The following ADSS1 variants were observed in gnomAD, a reference collection of about 807,000 sequenced individuals.
The protein encoded by ADSS1 is adenylosuccinate synthase 1, also known as adenylosuccinate synthetase isozyme 1.
In ADSS1, 57 loss-of-function variants were observed where a neutral mutation model predicts 59.1. The observed-to-expected ratio is 0.97, with a 90% CI of 0.78 to 1.20. ADSS1 has a LOEUF of 1.20. ADSS1 is among the 50% of genes most tolerant of loss of function. The pLI, the probability that ADSS1 is intolerant of heterozygous loss-of-function variation, is 0.00. For synonymous variants in ADSS1, 247 were observed against 249.4 expected, an observed-to-expected ratio of 0.99 and a Z score of 0.09; for missense variants, 603 against 610.3, an observed-to-expected ratio of 0.99 and a Z score of 0.13.
chr14:104,738,236 G>C, intron 2 of ADSS1, 140 bp from the exon 3 acceptor site: 1 of 742,640 alleles, frequency 1.3e-6, no homozygotes, highest in Non-Finnish European at 2.2e-6. Flanking sequence ...GACCTCAAGT[G>C]ATCCTCCTGC....
At chr14:104,746,579 C>A (rs1891568015) in intron 12 of ADSS1, among the ~76,000 whole-genome samples, 194 bp downstream of exon 12, 1 of 152,200 alleles carries the variant, frequency 6.6e-6, no homozygotes, top group African/African-American at 2.4e-5. Context: ...TGTGACCTTG[C>A]CGGGAGCCCC....
chr14:104,742,071 T>C, intron 9 of ADSS1, 69 bp downstream of exon 9: 1 of 1,580,388 alleles, frequency 6.3e-7, no homozygotes, highest in East Asian at 2.2e-5. Context: ...GGGGGTGGGG[T>C]GAGCAGTGCC....
chr14:104,727,044 C>T (rs778513215), intron 1 of ADSS1, among the ~76,000 whole-genome samples: 29 of 152,318 alleles, frequency 1.9e-4, no homozygotes, highest in South Asian at 6.2e-4. Context: ...CCCTGGTGGC[C>T]CCTGGCACTT....
chr14:104,724,241 G>C lies in ADSS1; in HGVS notation c.-30G>C, dbSNP rs1431973288. On this transcript the variant is annotated 5_prime_UTR_variant, in exon 1 of 13. Coordinates refer to ENST00000330877, the MANE Select transcript of ADSS1 (RefSeq NM_152328.5). The stretch of plus-strand genomic sequence containing the variant: ...CGCCGGCGGCGGCGGGCTCCTGGCC[G>C]GGCCAGCGCAGCGGAAGAGCCAAGC... 16 of 1,222,816 alleles carry C rather than the reference G, an allele frequency of 1.3e-5. No homozygotes were observed. The highest frequency in any genetic ancestry group is 3.2e-5 in the East Asian group (1 of 30,874). The allele number at this position is 1,222,816 out of a possible 1,614,324, so 75.7% of individuals were successfully genotyped here.
At chr14:104,736,062 G>C (rs1442165661) in intron 2 of ADSS1, among the ~76,000 whole-genome samples, 2 of 152,234 alleles carry the variant, frequency 1.3e-5, no homozygotes, top group Admixed American at 6.5e-5. Flanking sequence ...AGCAGAGGGA[G>C]GAAGATAGCG....
chr14:104,728,604 G>A (rs577278242), intron 1 of ADSS1, among the ~76,000 whole-genome samples: 70 of 152,308 alleles, frequency 4.6e-4, no homozygotes, highest in African/African-American at 1.6e-3. Context: ...TGTGCACACT[G>A]GGCGCCAGGG....
At position 104,739,819 on chromosome 14, in the gene ADSS1, A is replaced by C. The variant is rs373708293; in HGVS notation, c.476+3A>C. On this transcript the variant is annotated splice_donor_region_variant and intron_variant, in intron 5 of 12. Transcript: ENST00000330877. ...CGCCAGGCACAAGAGGGGAAGAAGT[A>C]AGTCTGCCGGGACACTCTCACCCTC... The C allele has an allele frequency of 2.6e-5, 42 of 1,613,650 alleles. No homozygotes were observed. The African/African-American group carries it at 4.8e-4, about 18-fold the overall frequency.
At chr14:104,736,881 G>GATATATATATAT (rs57122419) in intron 2 of ADSS1, among the ~76,000 whole-genome samples, 1,324 of 106,224 alleles carry the variant, frequency 0.012, 11 homozygotes, top group Non-Finnish European at 0.016. Context: ...GCACCTAGCT[G>GATATATATATAT]ATATATATAT....
intron 9 of ADSS1, 121 bp from the exon 10 acceptor site, chr14:104,742,943 CGGT>C: frequency 7.1e-7 from 1 of 1,399,056 alleles, no homozygotes; most frequent in Admixed American, 1.8e-5. Context: ...TAAGGACTGT[CGGT>C]GGAGGCGGGG....
chr14:104,725,860 TGGGCGCCATGCACTTCTGCAGGGC>T (rs1257392383), intron 1 of ADSS1, among the ~76,000 whole-genome samples: 5 of 151,940 alleles, frequency 3.3e-5, no homozygotes, highest in Non-Finnish European at 7.4e-5. Context: ...CCAGCTCTGG[TGGGCGCCATGCACTTCTGCAGGGC>T]GGGCTGGGGC....
intron 8 of ADSS1, 68 bp downstream of exon 8, chr14:104,741,311 G>T: frequency 6.6e-7 from 1 of 1,504,286 alleles, no homozygotes; most frequent in East Asian, 2.3e-5. Flanking sequence ...GCTGCGGAGA[G>T]CCGTGGGAAC....
rs1371708277 is a variant in ADSS1 at position 104,724,413 on chromosome 14, A to G, written c.143A>G (p.Lys48Arg). 3 of 1,265,568 alleles carry G rather than the reference A, an allele frequency of 2.4e-6. No homozygotes were observed. The highest frequency in any genetic ancestry group is 3.8e-5 in the Admixed American group (1 of 26,528). The allele number at this position is 1,265,568 out of a possible 1,614,324, so 78.4% of individuals were successfully genotyped here. Reference sequence around the variant, plus strand: ...CAGTGGGGGGACGAGGGCAAAGGCAAGGTGGTGGACCTGCTGGCCACGGAC... The same window carrying G: ...CAGTGGGGGGACGAGGGCAAAGGCAGGGTGGTGGACCTGCTGGCCACGGAC... ...GAQWGDEGKG[K>R]VVDLLATDAD... is the part of the protein sequence containing the mutation. Residue 48 changes from lysine (K) to arginine (R), a missense_variant, in exon 1 of 13, where the codon AAG becomes AGG. Coordinates refer to ENST00000330877, the MANE Select transcript of ADSS1 (RefSeq NM_152328.5).
chr14:104,738,490 C>T (rs1315011217), intron 3 of ADSS1, 52 bp downstream of exon 3: 3 of 1,592,216 alleles, frequency 1.9e-6, no homozygotes, highest in Non-Finnish European at 2.6e-6. Context: ...GTGCCCTGAG[C>T]GGTTGTTGGC....
At chr14:104,739,143 G>C (rs893877554) in intron 3 of ADSS1, among the ~76,000 whole-genome samples, 185 bp from the exon 4 acceptor site, 4 of 150,922 alleles carry the variant, frequency 2.7e-5, no homozygotes, top group Non-Finnish European at 4.4e-5. Context: ...GGGAGTCTCA[G>C]CTGGGGAGGA....
At chr14:104,732,729 G>A (rs1397964181) in intron 1 of ADSS1, among the ~76,000 whole-genome samples, 5 of 151,866 alleles carry the variant, frequency 3.3e-5, no homozygotes, top group African/African-American at 7.3e-5. Context: ...CCGCCCAGGC[G>A]GGGCTGTGTA....
At chr14:104,741,809 G>A (rs750195957) in intron 8 of ADSS1, 39 bp from the exon 9 acceptor site, 2 of 1,608,962 alleles carry the variant, frequency 1.2e-6, no homozygotes, top group South Asian at 2.2e-5. Flanking sequence ...AATCTACAGG[G>A]GGTGACAGGT....
At chr14:104,735,253 TCC>T in intron 2 of ADSS1, 131 bp downstream of exon 2, 2 of 822,654 alleles carry the variant, frequency 2.4e-6, no homozygotes, top group Non-Finnish European at 3.8e-6. Flanking sequence ...GACCCCAGCC[TCC>T]ACCTGCCCCA....
chr14:104,743,229 CCT>C (rs1566802614), intron 10 of ADSS1, 38 bp downstream of exon 10: 1 of 1,601,068 alleles, frequency 6.2e-7, no homozygotes, highest in Admixed American at 1.7e-5. Context: ...TGGGACCGTC[CCT>C]GACTCCCGAC....
At chr14:104,735,751 C>T (rs1026045134) in intron 2 of ADSS1, among the ~76,000 whole-genome samples, 1 of 152,182 alleles carries the variant, frequency 6.6e-6, no homozygotes, top group African/African-American at 2.4e-5. Context: ...CTCCAAGAGG[C>T]GAGCCACCTC....
Sources: allele counts gnomAD v4.1 joint callset (sites outside exome capture counted in the v4.1 genomes callset), GRCh38; gene constraint gnomAD v4.1.1; transcripts MANE v1.5; gene names NCBI Gene and HGNC (gene_info 2026-07-23, HGNC 2026-07-21).